Variants in LETM1 observed in about 807,000 individuals in gnomAD.
The protein encoded by LETM1 is leucine zipper and EF-hand containing transmembrane protein 1.
Under a neutral mutation model 74.5 loss-of-function variants are expected in LETM1, and 50 were observed. The observed-to-expected ratio is 0.67, with a 90% confidence interval of 0.53 to 0.85. LETM1 has a LOEUF of 0.85. Among genes scored for constraint, LETM1 ranks in the 40% least tolerant of loss-of-function variants. The pLI is 0.00. For synonymous variants in LETM1, 446 were observed against 407.1 expected (o/e 1.10, Z -1.15); for missense variants, 824 against 967.8 (o/e 0.85, Z 1.97).
At chr4:1,823,894 A>C (rs1711888322) in intron 7 of LETM1, 119 bp from the exon 8 acceptor site, 1 of 1,190,758 alleles carries the variant, frequency 8.4e-7, no homozygotes, top group Non-Finnish European at 1.2e-6. Flanking sequence ...CAAGTTCTAC[A>C]AGGTCTGTTT....
In LETM1 at chr4:1,825,553, T is replaced by C. The variant is rs757631458; in HGVS notation, c.1200+11A>G. The C allele has an allele frequency of 5.0e-6, 8 of 1,604,644 alleles. No homozygotes were observed. The highest frequency in any genetic ancestry group is 6.8e-6 in the Non-Finnish European group (8 of 1,172,910). On this transcript the variant is annotated intron_variant, in intron 7 of 13. Coordinates refer to ENST00000302787, the MANE Select transcript of LETM1 (RefSeq NM_012318.3). ...CCGTGCCGGCCTGGCACCAGGCCAA[T>C]ATTCACGCACCTGCTTCAGCTGACC... is the stretch of plus-strand genomic sequence containing the variant.
At chr4:1,849,261 T>C in intron 1 of LETM1, 52 bp from the exon 2 acceptor site, 1 of 1,310,070 alleles carries the variant, frequency 7.6e-7, no homozygotes, top group Non-Finnish European at 1.1e-6. Context: ...GGATTTATAC[T>C]GATACCTTTT....
Position 1,834,394 on chromosome 4 carries a change from C to G in LETM1, c.876+451G>C. On this transcript the variant is annotated intron_variant, in intron 5 of 13. Coordinates refer to ENST00000302787, the MANE Select transcript of LETM1 (RefSeq NM_012318.3). The surrounding 1 kb of genome is among the most constrained non-coding windows in gnomAD (Gnocchi z 5.0). ...CTCACCACATGACCGCAGGAAACCT[C>G]AAGGGCCGCTCCTCCTCTCCAGCCC... 1.1e-5 allele frequency: 11 copies of G among 993,196 alleles called. No homozygotes were observed. Among genetic ancestry groups the G allele is most frequent in the Non-Finnish European group, 1.2e-5 (10 of 835,236 alleles). 61.5% of individuals were successfully genotyped at this position (993,196 alleles called of 1,614,324 possible).
At position 1,834,421 on chromosome 4, in the gene LETM1, C is replaced by G; in HGVS notation, c.876+424G>C. On this transcript the variant is annotated intron_variant, in intron 5 of 13. Coordinates refer to ENST00000302787, the MANE Select transcript of LETM1 (RefSeq NM_012318.3). The surrounding 1 kb of genome is among the most constrained non-coding windows in gnomAD (Gnocchi z 5.0). ...AGGGCCGCTCCTCCTCTCCAGCCCC[C>G]ACTGCTCCCACAGTCCAGGCCTCTG... The G allele has an allele frequency of 1.0e-6, 1 of 998,066 alleles. No individual in the cohort carries two copies. Among genetic ancestry groups the G allele is most frequent in the Non-Finnish European group, 1.2e-6 (1 of 838,310 alleles). 61.8% of individuals were successfully genotyped at this position (998,066 alleles called of 1,614,324 possible).
chr4:1,815,378 C>G (rs1711533657), intron 13 of LETM1, among the ~76,000 whole-genome samples: 1 of 152,220 alleles, frequency 6.6e-6, no homozygotes, highest in Non-Finnish European at 1.5e-5. Flanking sequence ...GCTGCACCCC[C>G]CCGGCTCCCC....
chr4:1,825,738 GTC>G, intron 6 of LETM1, 55 bp from the exon 7 acceptor site: 1 of 1,552,422 alleles, frequency 6.4e-7, no homozygotes, highest in Non-Finnish European at 8.8e-7. Flanking sequence ...GGGTGACAGT[GTC>G]TGTGTGAACA....
At chr4:1,827,756 C>T (rs2108841958) in intron 6 of LETM1, among the ~76,000 whole-genome samples, 1 of 148,704 alleles carries the variant, frequency 6.7e-6, no homozygotes, top group Non-Finnish European at 1.5e-5. Flanking sequence ...CTTTCTATTC[C>T]ACAAAGCCGC....
At chr4:1,852,248 C>G (rs1420007001) in intron 1 of LETM1, among the ~76,000 whole-genome samples, 2 of 152,194 alleles carry the variant, frequency 1.3e-5, no homozygotes, top group Non-Finnish European at 2.9e-5. Context: ...TGATCATTCA[C>G]AAGAATGACT....
At chr4:1,831,533 G>C (rs540457453) in intron 6 of LETM1, among the ~76,000 whole-genome samples, 2 of 152,380 alleles carry the variant, frequency 1.3e-5, no homozygotes, top group Admixed American at 6.5e-5. Context: ...CCACCCCAGT[G>C]GTGGGGAAGT....
intron 2 of LETM1, among the ~76,000 whole-genome samples, chr4:1,842,195 T>C (rs1712726818): frequency 6.6e-6 from 1 of 152,196 alleles, no homozygotes; most frequent in Admixed American, 6.5e-5. Context: ...AGAGACTTTG[T>C]TGACTTTGGA....
At chr4:1,833,082 T>C in intron 5 of LETM1, 135 bp from the exon 6 acceptor site, 2 of 745,326 alleles carry the variant, frequency 2.7e-6, no homozygotes, top group Non-Finnish European at 4.5e-6. Flanking sequence ...TCTTTTTTTT[T>C]TTTGTTTGAG....
intron 6 of LETM1, among the ~76,000 whole-genome samples, chr4:1,827,299 TA>T (rs1187200684): frequency 6.8e-6 from 1 of 147,474 alleles, no homozygotes; most frequent in East Asian, 2.0e-4. Context: ...TTTTTTAATT[TA>T]TTTTTTTATT....
chr4:1,848,727 A>AG (rs1194333901), intron 2 of LETM1, among the ~76,000 whole-genome samples: 2 of 150,774 alleles, frequency 1.3e-5, no homozygotes, highest in Non-Finnish European at 3.0e-5. Flanking sequence ...AAAAAAAAAA[A>AG]AAAAAAAAAG....
chr4:1,825,520 C>T (rs1475176640), intron 7 of LETM1, 44 bp downstream of exon 7: 11 of 1,588,532 alleles, frequency 6.9e-6, no homozygotes, highest in East Asian at 2.3e-5. Context: ...CTGATGTTTC[C>T]CTTGAGCCCG....
At chr4:1,831,642 TCAC>T (rs1190015772) in intron 6 of LETM1, among the ~76,000 whole-genome samples, 1 of 152,216 alleles carries the variant, frequency 6.6e-6, no homozygotes, top group Non-Finnish European at 1.5e-5. Context: ...TCTGACACCA[TCAC>T]CACCAGGGCT....
In LETM1 at chr4:1,823,043, G is replaced by T. The variant is rs139115587; in HGVS notation, c.1421C>A (p.Ala474Glu). 2 of 1,607,868 alleles carry T rather than the reference G, an allele frequency of 1.2e-6. No individual in the cohort carries two copies. The highest frequency in any genetic ancestry group is 3.3e-4 in the Middle Eastern group (2 of 6,034). ...AKLEATLQEE[A>E]AIQQEHREKE... ...CTCACGGTGCTCCTGCTGGATGGCC[G>T]CCTCCTCCTGCAGCGTGGCCTCCAG... Residue 474 changes from alanine to glutamate, a missense_variant, in exon 9 of 14, where the codon GCG (alanine) becomes GAG (glutamate). By Grantham distance (107) the Ala-to-Glu change is moderately radical. This residue lies in a region of LETM1 where 172 missense variants were observed against 170.7 expected (regional missense o/e 1.01). Coordinates refer to ENST00000302787, the MANE Select transcript of LETM1 (RefSeq NM_012318.3).
chr4:1,815,687 C>A lies in LETM1; in HGVS notation c.2047G>T (p.Val683Phe). The change falls in exon 13 of 14, where the codon GTC becomes TTC. Residue 683 changes from valine to phenylalanine, a missense_variant. Coordinates refer to ENST00000302787, the MANE Select transcript of LETM1 (RefSeq NM_012318.3). The stretch of plus-strand genomic sequence containing the variant: ...ACCTTGACGAGGTCGTCGATGTTGA[C>A]CTTGCCATCCTTGTTTTCATCCAGT... The part of the protein sequence containing the change: ...AALDENKDGK[V>F]NIDDLVKVIE... 6.2e-7 allele frequency: 1 copy of A among 1,614,244 alleles called. No individual in the cohort carries two copies. The highest frequency in any genetic ancestry group is 8.5e-7 in the Non-Finnish European group (1 of 1,180,042).
chr4:1,814,834 G>A (rs909135420), intron 13 of LETM1, among the ~76,000 whole-genome samples: 1 of 152,212 alleles, frequency 6.6e-6, no homozygotes, highest in African/African-American at 2.4e-5. Context: ...GGCTGCCAGG[G>A]TCAAGTTCCT....
chr4:1,841,683 C>T lies in LETM1; in HGVS notation c.258G>A (p.Ala86=), dbSNP rs746406341. The T allele has an allele frequency of 1.7e-5, 27 of 1,614,100 alleles. No homozygotes were observed. Among genetic ancestry groups the T allele is most frequent in the East Asian group, 8.9e-5 (4 of 44,894 alleles). Reference sequence around the variant, plus strand: ...AACCCACAGAGGTAGAGGTCCATGGCGCTCTCGACACTATGCGAAGGCACT... The same window carrying T: ...AACCCACAGAGGTAGAGGTCCATGGTGCTCTCGACACTATGCGAAGGCACT... ...RPECLRIVSR[A]PWTSTSVGFV... is the part of the protein sequence containing the mutation. The change falls in exon 3 of 14, where the codon GCG becomes GCA. Residue 86 remains alanine, a synonymous_variant. Coordinates refer to ENST00000302787, the MANE Select transcript of LETM1 (RefSeq NM_012318.3).
Sources: allele counts gnomAD v4.1 joint callset (sites outside exome capture counted in the v4.1 genomes callset), GRCh38; gene constraint gnomAD v4.1.1; regional missense constraint gnomAD v4.1.1; non-coding constraint Gnocchi (gnomAD v3.1); transcripts MANE v1.5; gene names NCBI Gene and HGNC (gene_info 2026-07-23, HGNC 2026-07-21).